CPT1A: variants seen among roughly 807,000 people sequenced by gnomAD.
CPT1A encodes the protein carnitine O-palmitoyltransferase 1, liver isoform.
A neutral mutation model predicts 100.8 loss-of-function variants in CPT1A; 64 were observed. That is an observed-to-expected ratio of 0.63 (90% CI 0.52 to 0.78). The LOEUF is 0.78. Among genes scored for constraint, CPT1A ranks in the 30% least tolerant of loss-of-function variants. The pLI is 0.00. For missense variants in CPT1A, 802 were observed against 1,034.1 expected, an observed-to-expected ratio of 0.78 and a Z score of 3.08; for synonymous variants, 363 against 396.0, an observed-to-expected ratio of 0.92 and a Z score of 0.99.
At chr11:68,786,170 T>G in intron 9 of CPT1A, 1 of 659,312 alleles carries the variant, frequency 1.5e-6, no homozygotes, top group Non-Finnish European at 2.7e-6. Context: ...GGGATCAGCC[T>G]GGGCAACATG....
Position 68,841,564 on chromosome 11 carries a change from G to A in CPT1A, c.-14+211C>T, listed in dbSNP as rs1428561197. On this transcript the variant is annotated intron_variant, in intron 1 of 18. Transcript: ENST00000265641. The surrounding 1 kb of genome is among the most constrained non-coding windows in gnomAD (Gnocchi z 6.3). ...GGACCCTCAGACCCAATCCCCTGGG[G>A]AACATGGGGAGCCCCGGCCTCTTTC... Among the ~76,000 whole-genome samples the A allele has an allele frequency of 6.6e-6, 1 of 152,198 alleles. No individual in the cohort carries two copies. Among genetic ancestry groups the A allele is most frequent in the Non-Finnish European group, 1.5e-5 (1 of 68,018 alleles).
intron 15 of CPT1A, 27 bp downstream of exon 15, chr11:68,762,600 T>C: frequency 6.2e-7 from 1 of 1,612,506 alleles, no homozygotes. Context: ...ACAAGCACGT[T>C]GTGTCCTCAG....
chr11:68,818,638 C>T (rs1187749549), intron 1 of CPT1A: 2 of 152,648 alleles, frequency 1.3e-5, no homozygotes, highest in African/African-American at 2.4e-5. Context: ...GTGGGAGGAT[C>T]GCTTGAGTCC....
chr11:68,775,430 G>T lies in CPT1A; in HGVS notation c.1461C>A (p.Tyr487Ter). 6.2e-7 allele frequency: 1 copy of T among 1,610,672 alleles called. No individual in the cohort carries two copies. The highest frequency in any genetic ancestry group is 8.5e-7 in the Non-Finnish European group (1 of 1,176,818). The change falls in exon 13 of 19, where the codon TAC becomes TAA. Residue 487 changes from tyrosine (Y) to a stop codon, truncating the protein, a stop_gained and splice_region_variant. Transcript: ENST00000265641. LOFTEE classifies it high-confidence loss of function. Reference sequence around the variant, plus strand: ...GCTGGAGGCTGTCAATGGACATGACGTACTGTCAAAAATAGAACAAAATTA... The same window carrying T: ...GCTGGAGGCTGTCAATGGACATGACTTACTGTCAAAAATAGAACAAAATTA... Reference protein sequence around the residue: ...DAPIVAHLWEYVMSIDSLQLG... With the variant: ...DAPIVAHLWE
At chr11:68,775,267 G>T (rs1468664976) in intron 13 of CPT1A, 49 bp downstream of exon 13, 4 of 1,439,194 alleles carry the variant, frequency 2.8e-6, no homozygotes, top group Non-Finnish European at 3.9e-6. Flanking sequence ...GACTTCAAAT[G>T]TGTTTCCCAT....
intron 14 of CPT1A, among the ~76,000 whole-genome samples, chr11:68,769,033 T>C (rs1282948158): frequency 6.6e-6 from 1 of 152,222 alleles, no homozygotes; most frequent in Non-Finnish European, 1.5e-5. Flanking sequence ...TCATTGACCG[T>C]ATTTTTCCTC....
chr11:68,833,483 G>A (rs1247231082), intron 1 of CPT1A, among the ~76,000 whole-genome samples: 2 of 152,240 alleles, frequency 1.3e-5, no homozygotes, highest in Non-Finnish European at 2.9e-5. Context: ...TTGGCTGGGC[G>A]TGTTGGCTCA....
chr11:68,825,988 G>T (rs1369894860), intron 1 of CPT1A, among the ~76,000 whole-genome samples: 1 of 152,176 alleles, frequency 6.6e-6, no homozygotes, highest in African/African-American at 2.4e-5. Flanking sequence ...CAGGGCAGAG[G>T]GTTCCTAATG....
At chr11:68,776,614 C>A (rs966148402) in intron 12 of CPT1A, among the ~76,000 whole-genome samples, 2 of 152,168 alleles carry the variant, frequency 1.3e-5, no homozygotes, top group African/African-American at 2.4e-5. Context: ...CTCTGTGACT[C>A]ACGACTGTAA....
chr11:68,820,501 G>A (rs1017183358), intron 1 of CPT1A, among the ~76,000 whole-genome samples: 13 of 151,978 alleles, frequency 8.6e-5, no homozygotes, highest in Middle Eastern at 3.4e-3. Flanking sequence ...TGGCCAACAT[G>A]GCGAAACCCT....
At chr11:68,760,107 T>C in intron 17 of CPT1A, 118 bp downstream of exon 17, 1 of 733,574 alleles carries the variant, frequency 1.4e-6, no homozygotes, top group South Asian at 1.5e-5. Context: ...GTAATTCCTT[T>C]ACGGCGGTAG....
chr11:68,832,914 C>T (rs11228375), intron 1 of CPT1A, among the ~76,000 whole-genome samples: 1 of 152,206 alleles, frequency 6.6e-6, no homozygotes, highest in Non-Finnish European at 1.5e-5. Flanking sequence ...TGACATGGGC[C>T]TCATCCCTGG....
At chr11:68,793,259 A>G in intron 9 of CPT1A, 56 bp downstream of exon 9, 1 of 1,329,566 alleles carries the variant, frequency 7.5e-7, no homozygotes, top group Non-Finnish European at 1.1e-6. Context: ...CCTAATTCTG[A>G]GCATAGGGAT....
intron 4 of CPT1A, among the ~76,000 whole-genome samples, chr11:68,805,464 A>C (rs1345747142): frequency 1.3e-5 from 2 of 151,858 alleles, no homozygotes; most frequent in South Asian, 2.1e-4. Flanking sequence ...AAAAAAAAAA[A>C]ATTTGTTTGG....
chr11:68,841,912 G>A lies in CPT1A; in HGVS notation c.-151C>T. 3 of 986,008 alleles carry A rather than the reference G, an allele frequency of 3.0e-6. No homozygotes were observed. The highest frequency in any genetic ancestry group is 2.4e-6 in the Non-Finnish European group (2 of 830,306). The allele number at this position is 986,008 out of a possible 1,614,324, so 61.1% of individuals were successfully genotyped here. A position where few individuals can be genotyped will look rare whatever the true frequency, so the allele number is the denominator to read the frequency against. The stretch of plus-strand genomic sequence containing the variant: ...GAGCGCACCCGACGCCGGCAGCAGC[G>A]GATTGGCTGAGGCGGGTCCGGCTGC... On this transcript the variant is annotated 5_prime_UTR_variant, in exon 1 of 19. Coordinates refer to ENST00000265641, the MANE Select transcript of CPT1A (RefSeq NM_001876.4). The surrounding 1 kb of genome is among the most constrained non-coding windows in gnomAD (Gnocchi z 6.3).
chr11:68,775,266 T>C (rs781661174), intron 13 of CPT1A, 50 bp downstream of exon 13: 17 of 1,438,532 alleles, frequency 1.2e-5, no homozygotes, highest in Non-Finnish European at 1.7e-5. Context: ...AGACTTCAAA[T>C]GTGTTTCCCA....
At chr11:68,770,847 G>T (rs1157962586) in intron 14 of CPT1A, among the ~76,000 whole-genome samples, 1 of 152,188 alleles carries the variant, frequency 6.6e-6, no homozygotes, top group Non-Finnish European at 1.5e-5. Context: ...GCGTTTAGCT[G>T]CAGCACAGTG....
chr11:68,798,959 T>A lies in CPT1A; in HGVS notation c.693+259A>T, dbSNP rs144215279. Reference sequence around the variant, plus strand: ...GGAGGATCACTTGAGCCCAGGAGTTTGAGACCAGCCTGGTCAACATAGTGA... The same window carrying A: ...GGAGGATCACTTGAGCCCAGGAGTTAGAGACCAGCCTGGTCAACATAGTGA... On this transcript the variant is annotated intron_variant, in intron 6 of 18. Transcript: ENST00000265641. Among the ~76,000 whole-genome samples, 658 of 152,074 alleles carry A rather than the reference T, an allele frequency of 4.3e-3. 7 individuals carry two copies. Among genetic ancestry groups the A allele is most frequent in the African/African-American group, 0.015 (628 of 41,464 alleles).
intron 6 of CPT1A, among the ~76,000 whole-genome samples, chr11:68,797,850 T>A (rs4930612): frequency 6.6e-6 from 1 of 151,958 alleles, no homozygotes; most frequent in Admixed American, 6.6e-5. Context: ...TGGTGGCGGG[T>A]GCCTGTAATC....
Sources: gnomAD v4.1 joint callset for allele counts (sites outside exome capture counted in the v4.1 genomes callset) on GRCh38, gnomAD v4.1.1 for gene constraint, Gnocchi (gnomAD v3.1) non-coding constraint, MANE v1.5 for transcripts, NCBI Gene and HGNC (gene_info 2026-07-23, HGNC 2026-07-21) for gene names.